PCDHGA2: variants seen among roughly 807,000 people sequenced by gnomAD.
PCDHGA2 encodes the protein protocadherin gamma-A2.
Under a neutral mutation model 59.2 loss-of-function variants are expected in PCDHGA2, and 40 were observed. The ratio of observed to expected loss-of-function variants is 0.68; its 90% CI spans 0.52 to 0.88. The LOEUF is 0.88. Ranked by LOEUF, PCDHGA2 falls within the 40% of genes least tolerant of loss-of-function variation. The pLI is 0.00. For synonymous variants in PCDHGA2, 560 were observed against 526.0 expected (o/e 1.06, Z -0.89); for missense variants, 1,226 against 1,204.0 (o/e 1.02, Z -0.27).
chr5:141,451,205 C>G (rs1023049434), intron 1 of PCDHGA2, among the ~76,000 whole-genome samples: 2 of 152,142 alleles, frequency 1.3e-5, no homozygotes, highest in African/African-American at 4.8e-5. Flanking sequence ...TATCCCAAAA[C>G]TTAGTGGCTT....
chr5:141,361,678 T>G lies in PCDHGA2; in HGVS notation c.2424+20283T>G, dbSNP rs192424877. The G allele has an allele frequency of 1.4e-4, 224 of 1,613,592 alleles. 3 individuals carry two copies. The South Asian group carries it at 2.0e-3, about 15-fold the overall frequency. ...CGTGAGCGCGCAGAGCGGGGTGGTG[T>G]TCGCGCAGCGCGCCTTCGATCATGA... On this transcript the variant is annotated intron_variant, in intron 1 of 3. Transcript: ENST00000394576.
chr5:141,355,952 T>C, intron 1 of PCDHGA2: 1 of 1,613,896 alleles, frequency 6.2e-7, no homozygotes, highest in Non-Finnish European at 8.5e-7. Flanking sequence ...CACGTAAGTG[T>C]TCGTGAGAAC....
chr5:141,478,127 C>T (rs1323163663), intron 1 of PCDHGA2: 1 of 1,613,988 alleles, frequency 6.2e-7, no homozygotes, highest in Admixed American at 1.7e-5. Flanking sequence ...CGAGGACTCT[C>T]CTGAAGCCCG....
intron 1 of PCDHGA2, chr5:141,405,052 C>A (rs182635391): frequency 2.0e-4 from 329 of 1,613,956 alleles, no homozygotes; most frequent in Non-Finnish European, 2.5e-4. Flanking sequence ...TGGCAGTCGT[C>A]TCCTGTGTCT....
chr5:141,357,525 T>A (rs1015704388), intron 1 of PCDHGA2: 2 of 1,614,206 alleles, frequency 1.2e-6, no homozygotes, highest in Non-Finnish European at 1.7e-6. Flanking sequence ...AACCCAGCTA[T>A]GCAGACACGC....
intron 1 of PCDHGA2, chr5:141,350,837 C>A: frequency 6.2e-7 from 1 of 1,614,044 alleles, no homozygotes; most frequent in African/African-American, 1.3e-5. Flanking sequence ...GGTATTACTG[C>A]TGGAAAAACC....
intron 1 of PCDHGA2, among the ~76,000 whole-genome samples, chr5:141,401,627 G>A (rs998564450): frequency 6.6e-6 from 1 of 152,176 alleles, no homozygotes; most frequent in African/African-American, 2.4e-5. Flanking sequence ...TTGTCTTATC[G>A]TTTGGAGCTT....
intron 2 of PCDHGA2, among the ~76,000 whole-genome samples, chr5:141,500,410 C>G (rs2099800033): frequency 6.6e-6 from 1 of 151,774 alleles, no homozygotes; most frequent in Non-Finnish European, 1.5e-5. Flanking sequence ...GGGGTTTCAC[C>G]GTGTTAGCCA....
chr5:141,370,148 C>T, intron 1 of PCDHGA2: 1 of 445,956 alleles, frequency 2.2e-6, no homozygotes, highest in East Asian at 3.3e-5. Flanking sequence ...GTCACCATTA[C>T]TGCAGTTCTG....
intron 1 of PCDHGA2, chr5:141,422,041 G>A (rs371079504): frequency 2.1e-5 from 34 of 1,611,632 alleles, no homozygotes; most frequent in Non-Finnish European, 2.9e-5. Flanking sequence ...GGATCCAGAC[G>A]AGGGAATCAA....
At chr5:141,446,049 G>T (rs1043671484) in intron 1 of PCDHGA2, among the ~76,000 whole-genome samples, 1 of 152,100 alleles carries the variant, frequency 6.6e-6, no homozygotes, top group African/African-American at 2.4e-5. Context: ...AAGAAGAGCT[G>T]GCTTGGATTA....
chr5:141,442,232 T>A (rs1303447766), intron 1 of PCDHGA2: 2 of 153,276 alleles, frequency 1.3e-5, no homozygotes, highest in Non-Finnish European at 2.9e-5. Context: ...TTCCTTTTTA[T>A]TCTTCCTGAT....
At chr5:141,393,806 C>CA in intron 1 of PCDHGA2, 12 of 1,613,866 alleles carry the variant, frequency 7.4e-6, no homozygotes, top group Non-Finnish European at 1.0e-5. Flanking sequence ...TGGGGAGGAC[C>CA]AAATTGCTCA....
In PCDHGA2 at chr5:141,366,067, T is replaced by C. The variant is rs11750908; in HGVS notation, c.2424+24672T>C. 6.6e-3 allele frequency: 10,611 copies of C among 1,614,204 alleles called. 55 individuals carry two copies. Among genetic ancestry groups the C allele is most frequent in the Non-Finnish European group, 7.8e-3 (9,251 of 1,180,030 alleles). On this transcript the variant is annotated intron_variant, in intron 1 of 3. Coordinates refer to ENST00000394576, the MANE Select transcript of PCDHGA2 (RefSeq NM_018915.4). ...GTTCCACGGGCGTGGAGCTGGCGCCTCGCTCCGCAGAACCTGGCTACCTGG... is the reference window on the plus strand; with the variant it reads ...GTTCCACGGGCGTGGAGCTGGCGCCCCGCTCCGCAGAACCTGGCTACCTGG...
intron 1 of PCDHGA2, chr5:141,388,966 G>A: frequency 1.2e-6 from 2 of 1,614,014 alleles, no homozygotes; most frequent in Non-Finnish European, 1.7e-6. Flanking sequence ...GCCGAGCTGG[G>A]AACACATATT....
At chr5:141,421,955 T>A in intron 1 of PCDHGA2, 1 of 1,612,914 alleles carries the variant, frequency 6.2e-7, no homozygotes, top group South Asian at 1.1e-5. Context: ...ATCCCAATGT[T>A]TACACAGTCC....
At chr5:141,459,829 G>A in intron 1 of PCDHGA2, among the ~76,000 whole-genome samples, 1 of 152,178 alleles carries the variant, frequency 6.6e-6, no homozygotes, top group East Asian at 1.9e-4. Flanking sequence ...AACTTTTCAT[G>A]TGTTGTCTAT....
rs1413324509 is a variant in PCDHGA2 at position 141,431,464 on chromosome 5, G to T, written c.2425-63343G>T. The T allele has an allele frequency of 6.2e-7, 1 of 1,613,782 alleles. No homozygotes were observed. The highest frequency in any genetic ancestry group is 2.2e-5 in the East Asian group (1 of 44,880). ...GCATCCGCGTGATGGTTCTGGATGC[G>T]AACGACAACGCACCAGCGTTTGCTC... On this transcript the variant is annotated intron_variant, in intron 1 of 3. Transcript: ENST00000394576. This position sits in a 1 kb window ranked among gnomAD's most constrained non-coding sequence, Gnocchi z 4.8.
intron 1 of PCDHGA2, among the ~76,000 whole-genome samples, chr5:141,358,475 A>T (rs1760927848): frequency 6.6e-6 from 1 of 152,214 alleles, no homozygotes; most frequent in Admixed American, 6.5e-5. Flanking sequence ...TTGTGAGTTT[A>T]ACTTTTAGAT....
Sources: allele counts gnomAD v4.1 joint callset (sites outside exome capture counted in the v4.1 genomes callset), GRCh38; gene constraint gnomAD v4.1.1; non-coding constraint Gnocchi (gnomAD v3.1); transcripts MANE v1.5; gene names NCBI Gene and HGNC (gene_info 2026-07-23, HGNC 2026-07-21).